The following STYX variants were observed in gnomAD, a reference collection of about 807,000 sequenced individuals.
STYX encodes the protein serine/threonine/tyrosine-interacting protein.
In STYX, 20 loss-of-function variants were observed where a neutral mutation model predicts 42.7. The ratio of observed to expected loss-of-function variants is 0.47; its 90% CI spans 0.33 to 0.68. STYX has a LOEUF of 0.68. Ranked by LOEUF, STYX falls within the 30% of genes least tolerant of loss-of-function variation. The pLI is 0.02. For synonymous variants in STYX, 78 were observed against 81.9 expected, an observed-to-expected ratio of 0.95 and a Z score of 0.26; for missense variants, 226 against 268.5, an observed-to-expected ratio of 0.84 and a Z score of 1.11.
intron 1 of STYX, among the ~76,000 whole-genome samples, chr14:52,733,157 C>G (rs1230151933): frequency 6.6e-6 from 1 of 152,168 alleles, no homozygotes; most frequent in Non-Finnish European, 1.5e-5. Flanking sequence ...ATTCATTGTT[C>G]TTTTTAATAC....
chr14:52,733,710 GA>G (rs1880828131), intron 1 of STYX, among the ~76,000 whole-genome samples: 1 of 152,190 alleles, frequency 6.6e-6, no homozygotes, highest in Non-Finnish European at 1.5e-5. Flanking sequence ...AGGTATGGGG[GA>G]AGGGGCACAC....
chr14:52,731,766 TGTG>T (rs1472369731), intron 1 of STYX: 1 of 152,080 alleles, frequency 6.6e-6, no homozygotes, highest in Non-Finnish European at 1.5e-5. Context: ...AGGGCTCTCT[TGTG>T]GTATTGATGC....
At chr14:52,753,436 C>T (rs183816998) in intron 4 of STYX, among the ~76,000 whole-genome samples, 3 of 152,014 alleles carry the variant, frequency 2.0e-5, no homozygotes, top group African/African-American at 4.8e-5. Context: ...CTGCCCACCT[C>T]GGCCTCCCAA....
intron 1 of STYX, among the ~76,000 whole-genome samples, chr14:52,743,102 T>C (rs949235811): frequency 2.6e-5 from 4 of 151,874 alleles, no homozygotes; most frequent in African/African-American, 9.7e-5. Flanking sequence ...GGCTTTTTGA[T>C]TTTTTTAAAC....
At chr14:52,742,266 C>G (rs1378633094) in intron 1 of STYX, among the ~76,000 whole-genome samples, 1 of 152,166 alleles carries the variant, frequency 6.6e-6, no homozygotes, top group Non-Finnish European at 1.5e-5. Context: ...CTTTCTTTCC[C>G]TAGTTTATCT....
intron 2 of STYX, among the ~76,000 whole-genome samples, 162 bp from the exon 3 acceptor site, chr14:52,746,264 A>AT (rs1367502871): frequency 6.6e-6 from 1 of 151,886 alleles, no homozygotes; most frequent in Non-Finnish European, 1.5e-5. Flanking sequence ...CTTCGTCTCT[A>AT]TTTTTTAAAG....
intron 2 of STYX, among the ~76,000 whole-genome samples, chr14:52,746,218 C>G (rs116132951): frequency 0.011 from 1,672 of 151,718 alleles, 29 homozygotes; most frequent in African/African-American, 0.038. Context: ...CACTAGAGCC[C>G]AGGAGTTCCT....
chr14:52,757,597 T>C (rs1881924257), intron 6 of STYX, 146 bp from the exon 7 acceptor site: 1 of 813,790 alleles, frequency 1.2e-6, no homozygotes. Context: ...CTATATTCTC[T>C]ACACAGTTGA....
At chr14:52,737,394 A>T (rs1880998581) in intron 1 of STYX, among the ~76,000 whole-genome samples, 1 of 152,198 alleles carries the variant, frequency 6.6e-6, no homozygotes, top group African/African-American at 2.4e-5. Context: ...TTTCTACCTC[A>T]TGTTGATCGA....
At position 52,772,903 on chromosome 14, in the gene STYX, G is replaced by A. The variant is rs961514949; in HGVS notation, c.*1797G>A. ...TTGTGATTAGGTCTTTTGATGTACA[G>A]TGGTCTAGTGGAGTCAAGATTCGCA... On this transcript the variant is annotated 3_prime_UTR_variant, in exon 11 of 11. Coordinates refer to ENST00000354586, the MANE Select transcript of STYX (RefSeq NM_145251.4). 2.6e-5 allele frequency: 4 copies of A among 151,862 alleles called. No homozygotes were observed. Among genetic ancestry groups the A allele is most frequent in the African/African-American group, 9.7e-5 (4 of 41,322 alleles). The allele number at this position is 151,862 out of a possible 1,614,324, so 9.4% of individuals were successfully genotyped here. A position where few individuals can be genotyped will look rare whatever the true frequency, so the allele number is the denominator to read the frequency against.
At position 52,750,777 on chromosome 14, in the gene STYX, T is replaced by A. The variant is rs1278600273; in HGVS notation, c.239T>A (p.Phe80Tyr). 3 of 1,553,618 alleles carry A rather than the reference T, an allele frequency of 1.9e-6. No individual in the cohort carries two copies. The East Asian group carries it at 6.8e-5, about 35-fold the overall frequency. ...ATTAAACCAAACTTTCAGCAGTTAT[T>A]TAGGTAAGAATTATTGCTATGATTT... ...NFIKPNFQQL[F>Y]RYLVLDIADN... is the part of the protein sequence containing the mutation. Residue 80 changes from phenylalanine to tyrosine, a missense_variant, in exon 4 of 11, where the codon TTT (phenylalanine) becomes TAT (tyrosine). Coordinates refer to ENST00000354586, the MANE Select transcript of STYX (RefSeq NM_145251.4).
At position 52,757,800 on chromosome 14, in the gene STYX, A is replaced by G. The variant is rs1434168896; in HGVS notation, c.380+18A>G. 1.2e-6 allele frequency: 2 copies of G among 1,613,242 alleles called. No individual in the cohort carries two copies. The highest frequency in any genetic ancestry group is 1.7e-5 in the Admixed American group (1 of 59,980). On this transcript the variant is annotated intron_variant, in intron 7 of 10. Transcript: ENST00000354586. ...TCCAGAAGGTATGAAGTTAGAAATA[A>G]TCTTTCTTTCTATAACATTTAATTA...
intron 4 of STYX, among the ~76,000 whole-genome samples, chr14:52,751,582 G>A (rs1018788782): frequency 3.3e-5 from 5 of 151,994 alleles, no homozygotes; most frequent in African/African-American, 9.7e-5. Flanking sequence ...TCTCCAAGAC[G>A]GAATTGTGAA....
At chr14:52,760,395 T>G (rs1882044390) in intron 9 of STYX, among the ~76,000 whole-genome samples, 1 of 152,210 alleles carries the variant, frequency 6.6e-6, no homozygotes. Flanking sequence ...CTTTTTCTAT[T>G]CTATGTTTAT....
chr14:52,771,471 TG>T lies in STYX; in HGVS notation c.*371del, dbSNP rs1443545484. The T allele has an allele frequency of 6.2e-6, 1 of 160,880 alleles. No individual in the cohort carries two copies. The highest frequency in any genetic ancestry group is 6.4e-5 in the Admixed American group (1 of 15,516). The allele number at this position is 160,880 out of a possible 1,614,324, so 10.0% of individuals were successfully genotyped here. A position where few individuals can be genotyped will look rare whatever the true frequency, so the allele number is the denominator to read the frequency against. ...TATTACTTTAAACAAAATGCAAGTA[TG>T]GGGGGATTGTTTATAAAGTTTGGGT... On this transcript the variant is annotated 3_prime_UTR_variant, in exon 11 of 11. Transcript: ENST00000354586.
At chr14:52,732,949 G>T (rs1202973525) in intron 1 of STYX, among the ~76,000 whole-genome samples, 1 of 152,114 alleles carries the variant, frequency 6.6e-6, no homozygotes, top group Non-Finnish European at 1.5e-5. Flanking sequence ...GGGATTACAG[G>T]CTTGAGCCAC....
At chr14:52,737,193 G>T (rs571413775) in intron 1 of STYX, among the ~76,000 whole-genome samples, 1 of 152,262 alleles carries the variant, frequency 6.6e-6, no homozygotes, top group South Asian at 2.1e-4. Flanking sequence ...ATTTGTAAAA[G>T]TTCATATTTC....
intron 3 of STYX, among the ~76,000 whole-genome samples, chr14:52,747,142 A>G (rs769655937): frequency 6.6e-6 from 1 of 152,246 alleles, no homozygotes. Context: ...TTCAATCCGT[A>G]TAGATATTCT....
At chr14:52,760,593 A>G (rs2139924463) in intron 9 of STYX, among the ~76,000 whole-genome samples, 1 of 152,360 alleles carries the variant, frequency 6.6e-6, no homozygotes, top group Admixed American at 6.5e-5. Context: ...TTCAACATCA[A>G]GAATATTTAT....
Sources: gnomAD v4.1 joint callset for allele counts (sites outside exome capture counted in the v4.1 genomes callset) on GRCh38, gnomAD v4.1.1 for gene constraint, MANE v1.5 for transcripts, NCBI Gene and HGNC (gene_info 2026-07-23, HGNC 2026-07-21) for gene names.